CUBN: variants seen among roughly 807,000 people sequenced by gnomAD.
CUBN encodes the protein 460 kDa receptor.
A neutral mutation model predicts 405.3 loss-of-function variants in CUBN; 282 were observed. The ratio of observed to expected loss-of-function variants is 0.70; its 90% confidence interval spans 0.63 to 0.77. The LOEUF (loss-of-function observed/expected upper bound fraction) is 0.77, where lower values mean the gene tolerates loss of function less well. CUBN is among the 30% of genes least tolerant of loss of function. The pLI is 0.00. For synonymous variants in CUBN, 1,684 were observed against 1,617.0 expected (o/e 1.04, Z -0.99); for missense variants, 4,514 against 4,475.2 (o/e 1.01, Z -0.25).
chr10:17,127,887 C>T lies in CUBN; in HGVS notation c.290G>A (p.Gly97Glu). 1.2e-6 allele frequency: 2 copies of T among 1,611,660 alleles called. No homozygotes were observed. The highest frequency in any genetic ancestry group is 8.5e-7 in the Non-Finnish European group (1 of 1,178,474). ...ATTTTGAGGCAGACCAATTGCACTC[C>T]CTTTTAACTCTATAATATCTTCTTT... ...KNKEDIIELK[G>E]SAIGLPQNIS... Residue 97 changes from glycine (G) to glutamate (E), a missense_variant, in exon 3 of 67, where the codon GGG (glycine) becomes GAG (glutamate). Around this residue, in one of 5 missense-constraint regions of CUBN, gnomAD observed 1,448 missense variants for 1,388.0 expected, o/e 1.04. Transcript: ENST00000377833.
At chr10:17,084,001 G>C (rs1836034321) in intron 17 of CUBN, among the ~76,000 whole-genome samples, 1 of 152,146 alleles carries the variant, frequency 6.6e-6, no homozygotes. Context: ...TTGACTAGCT[G>C]GGTCATCTGG....
At position 16,918,622 on chromosome 10, in the gene CUBN, C is replaced by T; in HGVS notation, c.7000G>A (p.Ala2334Thr). Residue 2334 changes from alanine (A) to threonine (T), a missense_variant and splice_region_variant, in exon 45 of 67, where the codon GCT becomes ACT. Around this residue, in one of 5 missense-constraint regions of CUBN, gnomAD observed 1,613 missense variants for 1,542.8 expected, o/e 1.05. Transcript: ENST00000377833. Reference protein sequence around the residue: ...HVGFKAKYSIAQCGGRVPGQS... With the variant: ...HVGFKAKYSITQCGGRVPGQS... Reference sequence around the variant, plus strand: ...ATAAAAGTTTTAAAAAAATTATTACCTATAGAATACTTGGCCTTGAATCCC... The same window carrying T: ...ATAAAAGTTTTAAAAAAATTATTACTTATAGAATACTTGGCCTTGAATCCC... The T allele has an allele frequency of 6.2e-7, 1 of 1,612,124 alleles. No individual in the cohort carries two copies. Among genetic ancestry groups the T allele is most frequent in the South Asian group, 1.1e-5 (1 of 90,972 alleles).
At chr10:17,057,192 T>C (rs1835415064) in intron 22 of CUBN, among the ~76,000 whole-genome samples, 1 of 152,144 alleles carries the variant, frequency 6.6e-6, no homozygotes, top group East Asian at 1.9e-4. Flanking sequence ...GGTATCAGTG[T>C]TCCAGCTCCG....
intron 27 of CUBN, among the ~76,000 whole-genome samples, chr10:17,038,397 C>T (rs1834944028): frequency 6.6e-6 from 1 of 152,204 alleles, no homozygotes; most frequent in Non-Finnish European, 1.5e-5. Flanking sequence ...ATGGTCCCTT[C>T]TCCCACTGTA....
rs948994605 is a variant in CUBN at position 17,043,737 on chromosome 10, A to G, written c.3829+90T>C. 1.9e-6 allele frequency: 3 copies of G among 1,567,164 alleles called. No homozygotes were observed. The Admixed American group carries it at 5.0e-5, about 26-fold the overall frequency. On this transcript the variant is annotated intron_variant, in intron 26 of 66. Coordinates refer to ENST00000377833, the MANE Select transcript of CUBN (RefSeq NM_001081.4). ...TAGGCACTGAACAGCGAGTATACAT[A>G]CTTACTCTGCCAGTATTCACACTTA...
intron 29 of CUBN, among the ~76,000 whole-genome samples, chr10:16,986,058 G>A (rs1452897418): frequency 6.6e-6 from 1 of 152,154 alleles, no homozygotes; most frequent in Non-Finnish European, 1.5e-5. Flanking sequence ...AGGCAGGATG[G>A]GAATCAAATA....
At chr10:17,100,457 A>T (rs1433073468) in intron 13 of CUBN, among the ~76,000 whole-genome samples, 1 of 152,162 alleles carries the variant, frequency 6.6e-6, no homozygotes, top group East Asian at 1.9e-4. Flanking sequence ...TATATCAAAA[A>T]ATCTTAATGT....
chr10:17,104,836 T>G (rs1836586144), intron 11 of CUBN, among the ~76,000 whole-genome samples: 1 of 146,698 alleles, frequency 6.8e-6, no homozygotes, highest in African/African-American at 2.5e-5. Context: ...TGAGATGGAG[T>G]CTCGCTCTGT....
intron 50 of CUBN, among the ~76,000 whole-genome samples, chr10:16,905,969 T>A (rs1331478751): frequency 6.6e-6 from 1 of 151,912 alleles, no homozygotes; most frequent in Non-Finnish European, 1.5e-5. Context: ...TAATAATTAG[T>A]TGTATGTGGT....
At chr10:16,886,608 G>A (rs573467223) in intron 56 of CUBN, among the ~76,000 whole-genome samples, 30 of 152,206 alleles carry the variant, frequency 2.0e-4, no homozygotes, top group Middle Eastern at 3.4e-3. Flanking sequence ...AGCCCAAATC[G>A]GCATCTCTAC....
chr10:17,067,376 C>T (rs926885585), intron 21 of CUBN, among the ~76,000 whole-genome samples: 1 of 152,036 alleles, frequency 6.6e-6, no homozygotes, highest in South Asian at 2.1e-4. Flanking sequence ...ATGAAAAATA[C>T]ACTTGGTAAA....
intron 56 of CUBN, among the ~76,000 whole-genome samples, chr10:16,880,271 G>A (rs1223897133): frequency 1.3e-5 from 2 of 152,144 alleles, no homozygotes; most frequent in African/African-American, 4.8e-5. Flanking sequence ...TCCTGACCAT[G>A]GTTGATTGAT....
At chr10:17,006,548 T>C (rs1834031828) in intron 28 of CUBN, among the ~76,000 whole-genome samples, 1 of 152,098 alleles carries the variant, frequency 6.6e-6, no homozygotes, top group African/African-American at 2.4e-5. Context: ...GAAAGACCAG[T>C]GATAAACAAA....
intron 31 of CUBN, among the ~76,000 whole-genome samples, chr10:16,976,308 G>C (rs1361659265): frequency 2.0e-5 from 3 of 152,060 alleles, no homozygotes; most frequent in African/African-American, 7.2e-5. Flanking sequence ...GGAGAGCATA[G>C]AGTTCCTGGC....
chr10:16,930,810 T>C (rs61841435), intron 40 of CUBN, among the ~76,000 whole-genome samples: 10,147 of 152,304 alleles, frequency 0.067, 477 homozygotes, highest in Non-Finnish European at 0.11. Context: ...AGGCCTGTGA[T>C]GACAGGCCAA....
intron 28 of CUBN, among the ~76,000 whole-genome samples, chr10:16,991,959 C>T (rs1588558842): frequency 6.6e-6 from 1 of 152,276 alleles, no homozygotes; most frequent in South Asian, 2.1e-4. Flanking sequence ...TATTCCGGCA[C>T]TATTCACAAG....
intron 60 of CUBN, among the ~76,000 whole-genome samples, chr10:16,845,247 A>T (rs1839478800): frequency 6.6e-6 from 1 of 152,236 alleles, no homozygotes; most frequent in Admixed American, 6.5e-5. Context: ...TTGGACTACA[A>T]TTCTTTTCAA....
chr10:16,965,398 T>C (rs1843360771), intron 31 of CUBN, among the ~76,000 whole-genome samples: 1 of 152,168 alleles, frequency 6.6e-6, no homozygotes, highest in African/African-American at 2.4e-5. Flanking sequence ...GACCACGTGA[T>C]TGACGTGGAC....
chr10:16,874,262 A>G (rs1349051859), intron 58 of CUBN, 112 bp downstream of exon 58: 18 of 1,138,530 alleles, frequency 1.6e-5, no homozygotes, highest in Non-Finnish European at 2.6e-6. Context: ...CTCTGTGTAG[A>G]TTTCCCTCCA....
Sources: gnomAD v4.1 joint callset for allele counts (sites outside exome capture counted in the v4.1 genomes callset) on GRCh38, gnomAD v4.1.1 for gene constraint, gnomAD v4.1.1 regional missense constraint, MANE v1.5 for transcripts, NCBI Gene and HGNC (gene_info 2026-07-23, HGNC 2026-07-21) for gene names.